Variants in SLC38A9 observed in about 807,000 individuals in gnomAD.
The protein encoded by SLC38A9 is neutral amino acid transporter 9.
SLC38A9 carries 48 observed loss-of-function variants against 62.3 expected under a neutral mutation model. The observed-to-expected ratio is 0.77, with a 90% CI of 0.61 to 0.98. The LOEUF is 0.98. SLC38A9 is among the 50% of genes least tolerant of loss of function. SLC38A9 has a pLI of 0.00. For missense variants in SLC38A9, 541 were observed against 679.8 expected (o/e 0.80, Z 2.27); for synonymous variants, 204 against 227.7 (o/e 0.90, Z 0.94).
Position 55,687,803 on chromosome 5 carries a change from A to G in SLC38A9, c.113+10043T>C, listed in dbSNP as rs191847400. Among the ~76,000 whole-genome samples, 226 of 152,052 alleles carry G rather than the reference A, an allele frequency of 1.5e-3. 1 individual carries two copies. The highest frequency in any genetic ancestry group is 0.014 in the Middle Eastern group (4 of 294). On this transcript the variant is annotated intron_variant, in intron 3 of 15. Transcript: ENST00000396865. ...AACCTCCGCCTCTTGGGTTCAAGAG[A>G]TTCTCTGGCCTCAGCCTCCCGAGTG...
chr5:55,654,278 C>A (rs535751146), intron 9 of SLC38A9, among the ~76,000 whole-genome samples: 3 of 151,934 alleles, frequency 2.0e-5, no homozygotes, highest in African/African-American at 7.3e-5. Context: ...TTTTCTTCTA[C>A]GCTCTAGACA....
intron 2 of SLC38A9, among the ~76,000 whole-genome samples, chr5:55,705,065 T>C (rs1757120074): frequency 6.6e-6 from 1 of 152,184 alleles, no homozygotes; most frequent in African/African-American, 2.4e-5. Context: ...AAGAAGAAAC[T>C]TTTTTTAAAA....
chr5:55,626,336 AAAAT>A lies in SLC38A9; in HGVS notation c.*154_*157del. ...TTGCCCCTTTCCCCACCCCAATAAA[AAAAT>A]ACTCATTAAGGGGCCACTATTTCCC... On this transcript the variant is annotated 3_prime_UTR_variant, in exon 16 of 16. Transcript: ENST00000396865. 1 of 640,066 alleles carries A rather than the reference AAAAT, an allele frequency of 1.6e-6. No homozygotes were observed. Among genetic ancestry groups the A allele is most frequent in the Non-Finnish European group, 2.6e-6 (1 of 387,578 alleles). The allele number at this position is 640,066 out of a possible 1,614,324, so 39.6% of individuals were successfully genotyped here. A position where few individuals can be genotyped will look rare whatever the true frequency, so the allele number is the denominator to read the frequency against.
Position 55,697,851 on chromosome 5 carries a change from G to A in SLC38A9, c.108C>T (p.Ser36=). Residue 36 remains serine (S), a synonymous_variant, in exon 3 of 16, where the codon TCC becomes TCT. Transcript: ENST00000396865. ...GTTTTATTTTAAATGCTTACCTTTT[G>A]GATCTTAGATCCGATGGCTCAAACT... ...NIQFEPSDLR[S]KRPFCIEPTN... The A allele has an allele frequency of 6.4e-7, 1 of 1,551,306 alleles. No individual in the cohort carries two copies. Among genetic ancestry groups the A allele is most frequent in the Non-Finnish European group, 8.8e-7 (1 of 1,140,638 alleles).
intron 2 of SLC38A9, among the ~76,000 whole-genome samples, chr5:55,700,450 T>C (rs1304117674): frequency 2.0e-5 from 3 of 152,112 alleles, no homozygotes; most frequent in Non-Finnish European, 4.4e-5. Context: ...GGTCCTTATG[T>C]TGTCCAGATC....
At chr5:55,700,857 C>CTCT (rs1357365458) in intron 2 of SLC38A9, among the ~76,000 whole-genome samples, 8 of 152,172 alleles carry the variant, frequency 5.3e-5, no homozygotes, top group Non-Finnish European at 1.0e-4. Flanking sequence ...TTCCCTACGT[C>CTCT]ACTGGTCCCT....
At chr5:55,629,104 G>A (rs1051496111) in intron 14 of SLC38A9, among the ~76,000 whole-genome samples, 12 of 152,126 alleles carry the variant, frequency 7.9e-5, no homozygotes, top group South Asian at 2.1e-4. Context: ...GAGCTTTGAG[G>A]TATTGGCTGG....
intron 10 of SLC38A9, among the ~76,000 whole-genome samples, chr5:55,652,283 G>A (rs565434473): frequency 8.8e-4 from 124 of 140,944 alleles, no homozygotes; most frequent in Non-Finnish European, 1.3e-3. Context: ...CTTGAACCCC[G>A]GAAGCAGAGG....
Position 55,710,025 on chromosome 5 carries a change from C to A in SLC38A9, c.-35+1427G>T, listed in dbSNP as rs574370749. ...CAGGGGTTGCAGTGAGCTGAGATTG[C>A]GCCACTGCACTCCAGCCTGGCAACA... On this transcript the variant is annotated intron_variant, in intron 2 of 15. Transcript: ENST00000396865. Among the ~76,000 whole-genome samples the A allele has an allele frequency of 5.9e-5, 8 of 136,100 alleles. No individual in the cohort carries two copies. In the East Asian group the frequency reaches 1.8e-3, roughly 31 times the overall value. 89.3% of individuals were successfully genotyped at this position (136,100 alleles called of 152,430 possible).
chr5:55,628,617 T>C (rs1207412621), intron 14 of SLC38A9, among the ~76,000 whole-genome samples: 2 of 152,224 alleles, frequency 1.3e-5, no homozygotes, highest in African/African-American at 4.8e-5. Context: ...ATTACTTTTA[T>C]ATTAAACACA....
rs1166282002 is a variant in SLC38A9, at chr5:55,669,554, T to TA, written c.432+2dup. On this transcript the variant is annotated splice_region_variant and intron_variant, in intron 6 of 15. Transcript: ENST00000396865. ...AAAAAGTGTGCTGAAAAATTAGTAT[T>TA]ACCTGTTTTATGCCCCAAGGAATGC... 1 of 1,602,298 alleles carries TA rather than the reference T, an allele frequency of 6.2e-7. No homozygotes were observed. Among genetic ancestry groups the TA allele is most frequent in the Non-Finnish European group, 8.5e-7 (1 of 1,174,634 alleles).
chr5:55,629,851 C>T (rs1743120766), intron 14 of SLC38A9, among the ~76,000 whole-genome samples: 1 of 152,122 alleles, frequency 6.6e-6, no homozygotes, highest in African/African-American at 2.4e-5. Flanking sequence ...TGTTTAAAGG[C>T]TCTTGTGATG....
intron 14 of SLC38A9, 53 bp downstream of exon 14, chr5:55,633,701 G>A: frequency 6.2e-7 from 1 of 1,611,736 alleles, no homozygotes; most frequent in Non-Finnish European, 8.5e-7. Context: ...TGACCTGCTT[G>A]CACAGTCATT....
At chr5:55,705,415 G>A (rs1757151482) in intron 2 of SLC38A9, among the ~76,000 whole-genome samples, 1 of 132,836 alleles carries the variant, frequency 7.5e-6, no homozygotes, top group Non-Finnish European at 1.6e-5. Context: ...TAGAATTTGG[G>A]AAATGGGTAT....
chr5:55,683,582 C>CATAT (rs920803257), intron 3 of SLC38A9, among the ~76,000 whole-genome samples: 22 of 152,262 alleles, frequency 1.4e-4, no homozygotes, highest in African/African-American at 5.3e-4. Context: ...TTCCTAGACA[C>CATAT]ATATATGTAC....
At chr5:55,641,452 A>G (rs1479158046) in intron 12 of SLC38A9, among the ~76,000 whole-genome samples, 1 of 152,192 alleles carries the variant, frequency 6.6e-6, no homozygotes, top group Non-Finnish European at 1.5e-5. Flanking sequence ...TGTAATCATA[A>G]CCACTTTCTG....
chr5:55,705,396 A>G (rs1024591005), intron 2 of SLC38A9, among the ~76,000 whole-genome samples: 1 of 151,424 alleles, frequency 6.6e-6, no homozygotes, highest in Non-Finnish European at 1.5e-5. Context: ...TTTAAATCCA[A>G]TAAATCCTTA....
rs149037235 is a variant in SLC38A9 at position 55,627,813 on chromosome 5, A to AAACAAC, written c.1520+72_1520+77dup. The AAACAAC allele has an allele frequency of 1.8e-4, 159 of 878,186 alleles. No homozygotes were observed. The African/African-American group carries it at 2.6e-3, about 14-fold the overall frequency. The allele number at this position is 878,186 out of a possible 1,614,324, so 54.4% of individuals were successfully genotyped here. Reference sequence around the variant, plus strand: ...ATAGGAATTTCATACAATTAAATTAAAACAACAACAACAACAGGAAAAGCC... The same window carrying AAACAAC: ...ATAGGAATTTCATACAATTAAATTAAAACAACAACAACAACAACAACAGGAAAAGCC... On this transcript the variant is annotated intron_variant, in intron 15 of 15. Transcript: ENST00000396865.
intron 8 of SLC38A9, among the ~76,000 whole-genome samples, chr5:55,659,705 C>G (rs939664519): frequency 6.6e-6 from 1 of 151,140 alleles, no homozygotes. Flanking sequence ...TTTTTTAATT[C>G]ACAGATGATA....
Sources: gnomAD v4.1 joint callset for allele counts (sites outside exome capture counted in the v4.1 genomes callset) on GRCh38, gnomAD v4.1.1 for gene constraint, MANE v1.5 for transcripts, NCBI Gene and HGNC (gene_info 2026-07-23, HGNC 2026-07-21) for gene names.